Variants in THSD7B observed in about 807,000 individuals in gnomAD.
THSD7B encodes thrombospondin type-1 domain-containing protein 7B.
Under a neutral mutation model 213.6 loss-of-function variants are expected in THSD7B, and 138 were observed. That is an observed-to-expected ratio of 0.65 (90% confidence interval 0.56 to 0.74). THSD7B has a LOEUF of 0.74. Ranked by LOEUF, THSD7B falls within the 30% of genes least tolerant of loss-of-function variation. The pLI is 0.00. For synonymous variants in THSD7B, 742 were observed against 687.0 expected (o/e 1.08, Z -1.25); for missense variants, 1,931 against 1,991.5 (o/e 0.97, Z 0.58).
At chr2:137,526,379 A>G (rs541510960) in intron 15 of THSD7B, among the ~76,000 whole-genome samples, 2 of 151,944 alleles carry the variant, frequency 1.3e-5, no homozygotes, top group South Asian at 2.1e-4. Flanking sequence ...ATTAAACTAA[A>G]TTTTCTTTAA....
chr2:137,475,457 A>G (rs990379359), intron 15 of THSD7B, among the ~76,000 whole-genome samples: 3 of 152,120 alleles, frequency 2.0e-5, no homozygotes, highest in Admixed American at 6.5e-5. Flanking sequence ...TTCTGTATCC[A>G]CTAACCAACC....
intron 19 of THSD7B, among the ~76,000 whole-genome samples, chr2:137,619,528 T>A (rs1056027372): frequency 1.3e-5 from 2 of 152,236 alleles, no homozygotes; most frequent in East Asian, 3.9e-4. Context: ...ATACCATGAT[T>A]TATTTTAACA....
chr2:137,305,691 T>G (rs1683724720), intron 12 of THSD7B, among the ~76,000 whole-genome samples: 1 of 152,126 alleles, frequency 6.6e-6, no homozygotes, highest in African/African-American at 2.4e-5. Flanking sequence ...TTTAAATCTC[T>G]TAGACTCTCC....
chr2:137,568,325 G>T (rs1681283419), intron 16 of THSD7B, among the ~76,000 whole-genome samples: 1 of 152,094 alleles, frequency 6.6e-6, no homozygotes, highest in African/African-American at 2.4e-5. Context: ...CAAGGAAATT[G>T]ATGGTGCAGG....
At chr2:137,565,872 C>A (rs1041554008) in intron 16 of THSD7B, among the ~76,000 whole-genome samples, 4 of 152,118 alleles carry the variant, frequency 2.6e-5, no homozygotes, top group African/African-American at 7.2e-5. Flanking sequence ...GGCTCCATCT[C>A]CAATCAACAT....
At chr2:136,997,997 C>T (rs1416638965) in intron 2 of THSD7B, among the ~76,000 whole-genome samples, 1 of 151,920 alleles carries the variant, frequency 6.6e-6, no homozygotes, top group Non-Finnish European at 1.5e-5. Flanking sequence ...AGAGAAAAAG[C>T]CCAAAATTCA....
At chr2:137,010,960 G>A (rs927419423) in intron 2 of THSD7B, among the ~76,000 whole-genome samples, 2 of 152,100 alleles carry the variant, frequency 1.3e-5, no homozygotes, top group African/African-American at 4.8e-5. Flanking sequence ...CCTCTCAGGA[G>A]GTAATTAACA....
chr2:137,441,225 T>C (rs1687403389), intron 14 of THSD7B, among the ~76,000 whole-genome samples: 1 of 152,106 alleles, frequency 6.6e-6, no homozygotes, highest in Non-Finnish European at 1.5e-5. Context: ...CTTAATCAGG[T>C]GCTCTGATCT....
At chr2:137,589,726 T>A (rs986064527) in intron 17 of THSD7B, among the ~76,000 whole-genome samples, 1 of 152,222 alleles carries the variant, frequency 6.6e-6, no homozygotes, top group African/African-American at 2.4e-5. Flanking sequence ...TTTTTTCTAA[T>A]GTGTACATGC....
chr2:137,646,973 A>C (rs561442315), intron 21 of THSD7B, among the ~76,000 whole-genome samples: 70 of 152,086 alleles, frequency 4.6e-4, no homozygotes, highest in African/African-American at 1.5e-3. Context: ...TTGAGTCACA[A>C]CTTCTCTATG....
intron 17 of THSD7B, among the ~76,000 whole-genome samples, chr2:137,584,574 T>C (rs890614669): frequency 8.5e-5 from 13 of 152,230 alleles, no homozygotes; most frequent in African/African-American, 3.1e-4. Flanking sequence ...AAAGGCCTTT[T>C]CTGCATCTAT....
chr2:137,386,186 T>C (rs1422625086), intron 12 of THSD7B, among the ~76,000 whole-genome samples: 2 of 152,230 alleles, frequency 1.3e-5, no homozygotes, highest in African/African-American at 2.4e-5. Context: ...TCAGCATTTG[T>C]GCATCATTCC....
chr2:137,165,204 C>T (rs1235343736), intron 6 of THSD7B, among the ~76,000 whole-genome samples: 1 of 152,106 alleles, frequency 6.6e-6, no homozygotes, highest in African/African-American at 2.4e-5. Context: ...TGGCTGCCTC[C>T]TGAACTGTAG....
At chr2:137,424,686 A>T (rs554702677) in intron 14 of THSD7B, among the ~76,000 whole-genome samples, 3 of 152,336 alleles carry the variant, frequency 2.0e-5, no homozygotes, top group Admixed American at 6.5e-5. Context: ...AACATCCTTC[A>T]TAATAAAAAC....
chr2:136,838,784 G>C lies in THSD7B; in HGVS notation c.-35-43360G>C, dbSNP rs186459756. On this transcript the variant is annotated intron_variant, in intron 1 of 27. Coordinates refer to ENST00000409968, the MANE Select transcript of THSD7B (RefSeq NM_001316349.2). ...TTGCAGAGGTGTTCAGACCTGATTT[G>C]CATGTGCTTTGGGTACCATACTGGC... Among the ~76,000 whole-genome samples the C allele has an allele frequency of 4.8e-4, 73 of 152,206 alleles. 1 individual carries two copies. Among genetic ancestry groups the C allele is most frequent in the Middle Eastern group, 3.4e-3 (1 of 294 alleles).
intron 15 of THSD7B, among the ~76,000 whole-genome samples, chr2:137,472,576 T>G (rs1045385546): frequency 3.3e-5 from 5 of 152,240 alleles, no homozygotes; most frequent in African/African-American, 9.6e-5. Flanking sequence ...AATTCTTATG[T>G]CTGTTCTTGC....
intron 14 of THSD7B, among the ~76,000 whole-genome samples, chr2:137,435,521 G>T (rs566057438): frequency 5.3e-5 from 8 of 152,246 alleles, no homozygotes; most frequent in East Asian, 3.9e-4. Context: ...CCACTGCAGG[G>T]CTTTGAGCAG....
chr2:137,193,810 C>CT (rs1288709198), intron 7 of THSD7B, among the ~76,000 whole-genome samples: 2 of 151,612 alleles, frequency 1.3e-5, no homozygotes, highest in African/African-American at 4.9e-5. Context: ...ACCTGCATAT[C>CT]TTGAAGCATT....
rs561925682 is a variant in THSD7B, at chr2:137,069,465, A to G, written c.950+12235A>G. Among the ~76,000 whole-genome samples, 8 of 152,124 alleles carry G rather than the reference A, an allele frequency of 5.3e-5. No homozygotes were observed. In the East Asian group the frequency reaches 1.5e-3, roughly 29 times the overall value. ...AATGAAAATCAGATCAATGGGTTTT[A>G]CTTTTACTTTGATAGAGAGGAACGT... On this transcript the variant is annotated intron_variant, in intron 3 of 27. Transcript: ENST00000409968.
Sources: allele counts gnomAD v4.1 joint callset (sites outside exome capture counted in the v4.1 genomes callset), GRCh38; gene constraint gnomAD v4.1.1; transcripts MANE v1.5; gene names NCBI Gene and HGNC (gene_info 2026-07-23, HGNC 2026-07-21).